The following GTF2A1L variants were observed in gnomAD, a reference collection of about 807,000 sequenced individuals.
GTF2A1L encodes TFIIA-alpha and beta-like factor.
Under a neutral mutation model 49.7 loss-of-function variants are expected in GTF2A1L, and 48 were observed. That is an observed-to-expected ratio of 0.97 (90% CI 0.77 to 1.23). The LOEUF (loss-of-function observed/expected upper bound fraction) is 1.23, where lower values mean the gene tolerates loss of function less well. Ranked by LOEUF, GTF2A1L falls within the 50% of genes most tolerant of loss-of-function variation. GTF2A1L has a pLI of 0.00. For synonymous variants in GTF2A1L, 246 were observed against 193.5 expected, an observed-to-expected ratio of 1.27 and a Z score of -2.25; for missense variants, 736 against 564.8, an observed-to-expected ratio of 1.30 and a Z score of -3.07.
At chr2:48,626,309 T>A (rs1339617314) in intron 3 of GTF2A1L, among the ~76,000 whole-genome samples, 2 of 144,036 alleles carry the variant, frequency 1.4e-5, no homozygotes, top group Admixed American at 1.4e-4. Context: ...ATGTGATACC[T>A]CCAACTCTGC....
intron 8 of GTF2A1L, among the ~76,000 whole-genome samples, chr2:48,675,507 C>T (rs1007294400): frequency 2.0e-5 from 3 of 151,966 alleles, no homozygotes; most frequent in African/African-American, 7.2e-5. Context: ...ATGAAGGCCA[C>T]TGGTTTACAT....
At chr2:48,640,105 C>A (rs895383365) in intron 3 of GTF2A1L, among the ~76,000 whole-genome samples, 5 of 152,092 alleles carry the variant, frequency 3.3e-5, no homozygotes, top group African/African-American at 4.8e-5. Flanking sequence ...GGTGGGAGTG[C>A]AAATTAGTTC....
intron 1 of GTF2A1L, 119 bp from the exon 2 acceptor site, chr2:48,620,732 G>A (rs548062979): frequency 3.9e-5 from 21 of 542,200 alleles, no homozygotes; most frequent in South Asian, 8.1e-5. Flanking sequence ...AACTGAGTTC[G>A]TGCCACCGCA....
chr2:48,644,374 C>G (rs868834048), intron 4 of GTF2A1L, among the ~76,000 whole-genome samples: 1 of 152,148 alleles, frequency 6.6e-6, no homozygotes, highest in Non-Finnish European at 1.5e-5. Context: ...TATAGATGGA[C>G]TGCTTTCAAT....
At chr2:48,652,682 A>T (rs931158374) in intron 6 of GTF2A1L, among the ~76,000 whole-genome samples, 4 of 151,224 alleles carry the variant, frequency 2.6e-5, no homozygotes, top group African/African-American at 9.7e-5. Context: ...ATACTAATTG[A>T]CTTTATTATT....
chr2:48,653,639 T>C (rs1385635138), intron 6 of GTF2A1L, among the ~76,000 whole-genome samples: 2 of 152,130 alleles, frequency 1.3e-5, no homozygotes, highest in African/African-American at 4.8e-5. Context: ...GTTTTTGGTA[T>C]TTGTGAATAA....
At chr2:48,629,477 A>G (rs1676463517) in intron 3 of GTF2A1L, among the ~76,000 whole-genome samples, 1 of 144,202 alleles carries the variant, frequency 6.9e-6, no homozygotes, top group Admixed American at 7.0e-5. Context: ...AACAATGGCA[A>G]GGTTGTGGAC....
chr2:48,679,594 A>T lies in GTF2A1L; in HGVS notation c.*152A>T. 1 of 1,403,628 alleles carries T rather than the reference A, an allele frequency of 7.1e-7. No individual in the cohort carries two copies. The highest frequency in any genetic ancestry group is 9.2e-7 in the Non-Finnish European group (1 of 1,082,790). 86.9% of individuals were successfully genotyped at this position (1,403,628 alleles called of 1,614,324 possible). On this transcript the variant is annotated 3_prime_UTR_variant, in exon 9 of 9. Transcript: ENST00000403751. Reference sequence around the variant, plus strand: ...TTTAATAAAATTATAATTCAGATGCAGATACAATTACACAATTTTATATGT... The same window carrying T: ...TTTAATAAAATTATAATTCAGATGCTGATACAATTACACAATTTTATATGT...
At chr2:48,650,964 T>G (rs982222494) in intron 6 of GTF2A1L, among the ~76,000 whole-genome samples, 1 of 152,182 alleles carries the variant, frequency 6.6e-6, no homozygotes, top group Non-Finnish European at 1.5e-5. Flanking sequence ...TGTTTTATAT[T>G]TATCCCCACA....
At chr2:48,657,084 T>A (rs1244288198) in intron 6 of GTF2A1L, among the ~76,000 whole-genome samples, 2 of 152,230 alleles carry the variant, frequency 1.3e-5, no homozygotes, top group Non-Finnish European at 2.9e-5. Flanking sequence ...TTTTATTTTT[T>A]AATTTTTATT....
chr2:48,641,559 A>G (rs917465342), intron 3 of GTF2A1L, among the ~76,000 whole-genome samples: 3 of 152,194 alleles, frequency 2.0e-5, no homozygotes, highest in Non-Finnish European at 2.9e-5. Context: ...AGATGAGGGA[A>G]AATGACATTC....
chr2:48,653,222 A>C (rs80180438), intron 6 of GTF2A1L, among the ~76,000 whole-genome samples: 2 of 89,208 alleles, frequency 2.2e-5, no homozygotes, highest in Non-Finnish European at 2.4e-5. Flanking sequence ...CTCTGTCTCA[A>C]AAAAAAAAAA....
At chr2:48,619,717 A>C (rs909611450) in intron 1 of GTF2A1L, among the ~76,000 whole-genome samples, 4 of 152,212 alleles carry the variant, frequency 2.6e-5, no homozygotes, top group Non-Finnish European at 5.9e-5. Flanking sequence ...TATTGTCAGC[A>C]CATAGCATTG....
At chr2:48,650,860 A>G (rs1423533009) in intron 6 of GTF2A1L, among the ~76,000 whole-genome samples, 2 of 152,218 alleles carry the variant, frequency 1.3e-5, no homozygotes, top group Non-Finnish European at 2.9e-5. Context: ...AATTAAAGAA[A>G]ATATGCCCTG....
intron 1 of GTF2A1L, 141 bp from the exon 2 acceptor site, chr2:48,620,710 G>A (rs1675938579): frequency 2.7e-6 from 1 of 372,284 alleles, no homozygotes; most frequent in Non-Finnish European, 3.8e-6. Flanking sequence ...CTGGGACGTG[G>A]AAATTGCAGT....
chr2:48,644,288 C>A (rs139417443), intron 4 of GTF2A1L, among the ~76,000 whole-genome samples: 239 of 152,242 alleles, frequency 1.6e-3, no homozygotes, highest in Non-Finnish European at 2.9e-3. Context: ...TTCATGAAAG[C>A]TATATTAGTT....
chr2:48,645,181 T>C, intron 5 of GTF2A1L, 64 bp downstream of exon 5: 1 of 1,428,636 alleles, frequency 7.0e-7, no homozygotes, highest in South Asian at 1.3e-5. Flanking sequence ...GACATTAAGC[T>C]TCATGATTTT....
chr2:48,671,829 G>T (rs1572778214), intron 8 of GTF2A1L, 149 bp downstream of exon 8: 12 of 707,094 alleles, frequency 1.7e-5, no homozygotes, highest in East Asian at 2.9e-5. Flanking sequence ...GTGTATTTTG[G>T]GTCTAGCGCT....
chr2:48,676,722 C>A (rs1679485504), intron 8 of GTF2A1L, among the ~76,000 whole-genome samples: 3 of 151,476 alleles, frequency 2.0e-5, no homozygotes, highest in Admixed American at 2.0e-4. Context: ...ATGTCTTCTG[C>A]ATTTTGAGCC....
Sources: gnomAD v4.1 joint callset for allele counts (sites outside exome capture counted in the v4.1 genomes callset) on GRCh38, gnomAD v4.1.1 for gene constraint, MANE v1.5 for transcripts, NCBI Gene and HGNC (gene_info 2026-07-23, HGNC 2026-07-21) for gene names.